SMIM29: variants seen among roughly 807,000 people sequenced by gnomAD.
SMIM29 encodes the protein small integral membrane protein 29, also known as uncharacterized protein C6orf1.
In SMIM29, 4 loss-of-function variants were observed where a neutral mutation model predicts 12.9. The observed-to-expected ratio is 0.31, with a 90% CI of 0.15 to 0.71. The LOEUF (loss-of-function observed/expected upper bound fraction) is 0.71, where lower values mean the gene tolerates loss of function less well. Ranked by LOEUF, SMIM29 falls within the 30% of genes least tolerant of loss-of-function variation. The pLI, the probability that SMIM29 is intolerant of heterozygous loss-of-function variation, is 0.70. For missense variants in SMIM29, 122 were observed against 138.1 expected (o/e 0.88, Z 0.58); for synonymous variants, 50 against 52.0 (o/e 0.96, Z 0.17).
chr6:34,247,367 C>T, intron 3 of SMIM29, 100 bp downstream of exon 3: 1 of 1,517,770 alleles, frequency 6.6e-7, no homozygotes. Context: ...AGGCTTGTAT[C>T]AGGATGGCTG....
chr6:34,247,540 C>A (rs1026203750), intron 2 of SMIM29, 48 bp from the exon 3 acceptor site: 3 of 1,552,512 alleles, frequency 1.9e-6, no homozygotes, highest in African/African-American at 2.7e-5. Context: ...CCAGGAAGGC[C>A]CACAGGCAGA....
At position 34,247,053 on chromosome 6, in the gene SMIM29, T is replaced by C. The variant is rs755075777; in HGVS notation, c.234A>G (p.Gly78=). The C allele has an allele frequency of 3.5e-5, 57 of 1,613,936 alleles. No individual in the cohort carries two copies. Among genetic ancestry groups the C allele is most frequent in the South Asian group, 1.9e-4 (17 of 91,094 alleles). The change falls in exon 4 of 5, where the codon GGA becomes GGG. Residue 78 remains glycine, a synonymous_variant. Transcript: ENST00000476320. ...EAEQELLSDM[G]DPKVVHGWQS... is the part of the protein sequence containing the mutation. Reference sequence around the variant, plus strand: ...GCCCCCAAGTGCTCACCTTGGGGTCTCCCATGTCAGAGAGCAGCTCCTGCT... The same window carrying C: ...GCCCCCAAGTGCTCACCTTGGGGTCCCCCATGTCAGAGAGCAGCTCCTGCT...
rs1219000973 is a variant in SMIM29, at chr6:34,247,166, G to C, written c.138-17C>G. The C allele has an allele frequency of 6.2e-7, 1 of 1,613,910 alleles. No homozygotes were observed. Among genetic ancestry groups the C allele is most frequent in the East Asian group, 2.2e-5 (1 of 44,878 alleles). On this transcript the variant is annotated splice_polypyrimidine_tract_variant and intron_variant, in intron 3 of 4. Coordinates refer to ENST00000476320, the MANE Select transcript of SMIM29 (RefSeq NM_001008703.4). The stretch of plus-strand genomic sequence containing the variant: ...CGGTCCACCCTGGGGAGCAGGGGAG[G>C]GGACTCAGCTAGGAGGTCCCCCCAA...
chr6:34,248,869 T>G (rs1306192852), intron 1 of SMIM29, 110 bp downstream of exon 1: 1 of 985,202 alleles, frequency 1.0e-6, no homozygotes, highest in African/African-American at 1.8e-5. Context: ...GGTGGGGGTG[T>G]TGGGGGATGC....
intron 2 of SMIM29, 51 bp downstream of exon 2, chr6:34,247,630 C>A: frequency 6.9e-7 from 1 of 1,441,440 alleles, no homozygotes; most frequent in Non-Finnish European, 9.1e-7. Context: ...CCCACCCAGC[C>A]CCTGCCTTAG....
At position 34,246,648 on chromosome 6, in the gene SMIM29, G is replaced by C; in HGVS notation, c.*155C>G. On this transcript the variant is annotated 3_prime_UTR_variant, in exon 5 of 5. Coordinates refer to ENST00000476320, the MANE Select transcript of SMIM29 (RefSeq NM_001008703.4). The stretch of plus-strand genomic sequence containing the variant: ...CCTGGGGGCAGTGAGGTGATGGTGA[G>C]GGCATGGGAAGCAGATGCTGCTGAG... 1 of 1,614,034 alleles carries C rather than the reference G, an allele frequency of 6.2e-7. No homozygotes were observed. Among genetic ancestry groups the C allele is most frequent in the Non-Finnish European group, 8.5e-7 (1 of 1,180,000 alleles).
intron 1 of SMIM29, 129 bp from the exon 2 acceptor site, chr6:34,247,993 A>G (rs979288133): frequency 2.4e-5 from 30 of 1,228,200 alleles, no homozygotes; most frequent in Non-Finnish European, 2.9e-5. Context: ...TCCTCCAGGT[A>G]GATGTACTGG....
Position 34,246,402 on chromosome 6 carries a change from A to C in SMIM29, c.*401T>G, listed in dbSNP as rs1762752762. 3 of 1,259,602 alleles carry C rather than the reference A, an allele frequency of 2.4e-6. No individual in the cohort carries two copies. The highest frequency in any genetic ancestry group is 4.0e-5 in the South Asian group (2 of 50,268). 78.0% of individuals were successfully genotyped at this position (1,259,602 alleles called of 1,614,324 possible). ...TGATGAAATCAAAACCCCTAGCCAC[A>C]AAACATTTTATTTACAAAATATATA... On this transcript the variant is annotated 3_prime_UTR_variant, in exon 5 of 5. Coordinates refer to ENST00000476320, the MANE Select transcript of SMIM29 (RefSeq NM_001008703.4).
intron 2 of SMIM29, 48 bp downstream of exon 2, chr6:34,247,627 AGCCCCT>A: frequency 6.9e-7 from 1 of 1,442,984 alleles, no homozygotes; most frequent in South Asian, 1.5e-5. Context: ...AGGCCCACCC[AGCCCCT>A]GCCTTAGCAA....
chr6:34,247,160 G>A lies in SMIM29; in HGVS notation c.138-11C>T, dbSNP rs1457282009. 6.2e-7 allele frequency: 1 copy of A among 1,614,016 alleles called. No individual in the cohort carries two copies. The highest frequency in any genetic ancestry group is 8.5e-7 in the Non-Finnish European group (1 of 1,180,006). ...CGCAGCCGGTCCACCCTGGGGAGCA[G>A]GGGAGGGGACTCAGCTAGGAGGTCC... On this transcript the variant is annotated splice_polypyrimidine_tract_variant and intron_variant, in intron 3 of 4. Transcript: ENST00000476320.
chr6:34,247,210 C>T, intron 3 of SMIM29, 61 bp from the exon 4 acceptor site: 2 of 1,464,164 alleles, frequency 1.4e-6, no homozygotes, highest in East Asian at 2.5e-5. Context: ...AAACACCTGG[C>T]TGCCTCGTCT....
chr6:34,247,319 G>T, intron 3 of SMIM29, 148 bp downstream of exon 3: 1 of 1,535,414 alleles, frequency 6.5e-7, no homozygotes, highest in Non-Finnish European at 8.8e-7. Context: ...GCTTTCCCCA[G>T]TGAGTAACCT....
intron 4 of SMIM29, 50 bp downstream of exon 4, chr6:34,246,994 G>A (rs1441045369): frequency 1.2e-6 from 2 of 1,613,308 alleles, no homozygotes; most frequent in South Asian, 2.2e-5. Context: ...GCTGGGAACA[G>A]GGCTGACTCC....
chr6:34,247,971 T>G (rs995228989), intron 1 of SMIM29, 107 bp from the exon 2 acceptor site: 20 of 1,231,452 alleles, frequency 1.6e-5, no homozygotes, highest in Non-Finnish European at 2.0e-5. Flanking sequence ...GGTCAAATCC[T>G]GGGAGGAGGG....
chr6:34,247,303 A>C, intron 3 of SMIM29, 154 bp from the exon 4 acceptor site: 1 of 1,543,946 alleles, frequency 6.5e-7, no homozygotes, highest in Admixed American at 2.0e-5. Context: ...CTGATTCTAC[A>C]AAGGGGCTTT....
Position 34,246,806 on chromosome 6 carries a change from C to T in SMIM29, c.306G>A (p.Thr102=), listed in dbSNP as rs552892301. ...HKRMPLLDVK[T] is the part of the protein sequence containing the mutation. The stretch of plus-strand genomic sequence containing the variant: ...AGGGTGGGGCAAGGGGGTCAGGTCA[C>T]GTCTTGACATCCAGCAGTGGCATCC... The change falls in exon 5 of 5, where the codon ACG becomes ACA. Residue 102 remains threonine (T), a synonymous_variant. Coordinates refer to ENST00000476320, the MANE Select transcript of SMIM29 (RefSeq NM_001008703.4). 1.3e-5 allele frequency: 21 copies of T among 1,612,912 alleles called. No individual in the cohort carries two copies. Among genetic ancestry groups the T allele is most frequent in the Admixed American group, 1.0e-4 (6 of 60,016 alleles).
Position 34,247,490 on chromosome 6 carries a change from T to C in SMIM29, c.114A>G (p.Val38=). The C allele has an allele frequency of 2.5e-6, 4 of 1,577,540 alleles. No homozygotes were observed. Among genetic ancestry groups the C allele is most frequent in the Non-Finnish European group, 3.4e-6 (4 of 1,160,940 alleles). ...ACCGCTTTTTCTTCTGTACATACAT[T>C]ACCTGCAACAGAGACACAGCACTGT... The part of the protein sequence containing the change: ...ITLVGVVVAV[V]MYVQKKKRVD... Residue 38 remains valine (V), a splice_region_variant and synonymous_variant, in exon 3 of 5, where the codon GTA becomes GTG. Transcript: ENST00000476320.
rs370968291 is a variant in SMIM29 at position 34,247,468 on chromosome 6, G to A, written c.136C>T (p.Arg46Trp). The change falls in exon 3 of 5, where the codon CGG becomes TGG. Residue 46 changes from arginine to tryptophan, a missense_variant and splice_region_variant. Coordinates refer to ENST00000476320, the MANE Select transcript of SMIM29 (RefSeq NM_001008703.4). Reference protein sequence around the residue: ...AVVMYVQKKKRVDRLRHHLLP... With the variant: ...AVVMYVQKKKWVDRLRHHLLP... The stretch of plus-strand genomic sequence containing the variant: ...CGGGTGGGGGACAGGGACACTCACC[G>A]CTTTTTCTTCTGTACATACATTACC... 6 of 1,578,772 alleles carry A rather than the reference G, an allele frequency of 3.8e-6. No homozygotes were observed. Among genetic ancestry groups the A allele is most frequent in the Non-Finnish European group, 5.2e-6 (6 of 1,161,512 alleles).
intron 3 of SMIM29, 145 bp downstream of exon 3, chr6:34,247,322 A>C: frequency 6.5e-7 from 1 of 1,530,072 alleles, no homozygotes; most frequent in Non-Finnish European, 8.8e-7. Flanking sequence ...TTCCCCAGTG[A>C]GTAACCTGAG....
Sources: gnomAD v4.1 joint callset for allele counts on GRCh38, gnomAD v4.1.1 for gene constraint, MANE v1.5 for transcripts, NCBI Gene and HGNC (gene_info 2026-07-23, HGNC 2026-07-21) for gene names.